RYR2: variants seen among roughly 807,000 people sequenced by gnomAD.
RYR2 encodes the protein cardiac muscle ryanodine receptor-calcium release channel.
In RYR2, 227 loss-of-function variants were observed where a neutral mutation model predicts 601.1. The ratio of observed to expected loss-of-function variants is 0.38; its 90% CI spans 0.34 to 0.42. RYR2 has a LOEUF of 0.42. RYR2 is among the 10% of genes least tolerant of loss of function. The pLI, the probability that RYR2 is intolerant of heterozygous loss-of-function variation, is 1.00. For missense variants in RYR2, 4,646 were observed against 6,156.5 expected, an observed-to-expected ratio of 0.75 and a Z score of 8.21; for synonymous variants, 2,223 against 2,175.1, an observed-to-expected ratio of 1.02 and a Z score of -0.61.
At chr1:237,516,590 G>A (rs1056200340) in intron 24 of RYR2, among the ~76,000 whole-genome samples, 13 of 152,174 alleles carry the variant, frequency 8.5e-5, no homozygotes, top group African/African-American at 2.9e-4. Flanking sequence ...TCTGCTCTGA[G>A]TGACGGAATT....
chr1:237,498,781 A>C (rs962276001), intron 20 of RYR2, among the ~76,000 whole-genome samples: 4 of 152,214 alleles, frequency 2.6e-5, no homozygotes, highest in Admixed American at 1.3e-4. Flanking sequence ...AGAACAACAA[A>C]AAAAAATTTA....
intron 80 of RYR2, chr1:237,754,977 A>T (rs1418643463): frequency 1.3e-6 from 1 of 780,096 alleles, no homozygotes; most frequent in East Asian, 6.9e-5. Context: ...GGCCTATCAC[A>T]TAATTTAAGA....
chr1:237,587,632 C>T (rs939601506), intron 29 of RYR2, among the ~76,000 whole-genome samples: 6 of 151,832 alleles, frequency 4.0e-5, no homozygotes, highest in South Asian at 4.1e-4. Flanking sequence ...GTTCGTCTCA[C>T]GAAAAAAAGT....
chr1:237,348,576 A>C (rs1200868799), intron 3 of RYR2, among the ~76,000 whole-genome samples: 2 of 152,176 alleles, frequency 1.3e-5, no homozygotes, highest in Non-Finnish European at 2.9e-5. Flanking sequence ...CTCAGCTCAC[A>C]TTGAATTGGT....
chr1:237,687,366 C>CTT (rs10679267), intron 62 of RYR2, 89 bp from the exon 63 acceptor site: 44,962 of 255,982 alleles, frequency 0.18, 4,169 homozygotes, highest in Admixed American at 0.21. Context: ...TTTTCTTCTT[C>CTT]TTTTTTTTTT....
At chr1:237,524,755 T>G (rs10925442) in intron 24 of RYR2, among the ~76,000 whole-genome samples, 2,265 of 152,044 alleles carry the variant, frequency 0.015, 52 homozygotes, top group African/African-American at 0.042. Context: ...CAGATATATA[T>G]AGAGAGAGAT....
chr1:237,509,005 G>T (rs979348738), intron 23 of RYR2, among the ~76,000 whole-genome samples: 1 of 152,016 alleles, frequency 6.6e-6, no homozygotes, highest in Non-Finnish European at 1.5e-5. Flanking sequence ...GCCTCCCAAA[G>T]TGCTGGGATT....
intron 27 of RYR2, among the ~76,000 whole-genome samples, chr1:237,554,245 T>C (rs1483977998): frequency 6.6e-6 from 1 of 151,950 alleles, no homozygotes; most frequent in Non-Finnish European, 1.5e-5. Flanking sequence ...CCCCATTTAT[T>C]GAACAGATTA....
intron 88 of RYR2, among the ~76,000 whole-genome samples, chr1:237,779,478 G>A (rs943896657): frequency 4.6e-5 from 7 of 152,088 alleles, no homozygotes; most frequent in Non-Finnish European, 1.0e-4. Flanking sequence ...TTTGCCAGGC[G>A]GTCAGGTAGA....
intron 17 of RYR2, among the ~76,000 whole-genome samples, chr1:237,482,434 C>T (rs909527456): frequency 6.6e-6 from 1 of 151,908 alleles, no homozygotes; most frequent in African/African-American, 2.4e-5. Context: ...TTAGATCTCG[C>T]AAATAAGTGA....
intron 94 of RYR2, 77 bp downstream of exon 94, chr1:237,792,400 T>TGTGC (rs1658551777): frequency 8.6e-5 from 13 of 151,838 alleles, no homozygotes; most frequent in Non-Finnish European, 1.0e-4. Context: ...TGTGTGTGCG[T>TGTGC]GTGTGTGTGT....
chr1:237,193,906 T>G (rs987721970), intron 1 of RYR2, among the ~76,000 whole-genome samples: 1 of 152,224 alleles, frequency 6.6e-6, no homozygotes, highest in African/African-American at 2.4e-5. Flanking sequence ...AAAAAATCTC[T>G]TATGAAGAAA....
Position 237,328,003 on chromosome 1 carries a change from C to T in RYR2, c.169-2875C>T, listed in dbSNP as rs77559656. On this transcript the variant is annotated intron_variant, in intron 2 of 104. Coordinates refer to ENST00000366574, the MANE Select transcript of RYR2 (RefSeq NM_001035.3). ...TTGGTCTGAAATCAGTCTAATGGCA[C>T]GCTGGAAACAGCTCTTAGACACTGC... is the stretch of plus-strand genomic sequence containing the variant. Among the ~76,000 whole-genome samples the T allele has an allele frequency of 2.0e-4, 30 of 152,272 alleles. No individual in the cohort carries two copies. In the East Asian group the frequency reaches 3.9e-3, roughly 20 times the overall value.
chr1:237,530,997 A>T (rs1364383505), intron 25 of RYR2, among the ~76,000 whole-genome samples: 1 of 152,216 alleles, frequency 6.6e-6, no homozygotes, highest in African/African-American at 2.4e-5. Context: ...AATAGTTTCT[A>T]TCACATTGCT....
intron 24 of RYR2, among the ~76,000 whole-genome samples, chr1:237,525,536 T>G (rs1667486040): frequency 2.0e-5 from 3 of 151,950 alleles, no homozygotes; most frequent in African/African-American, 7.2e-5. Context: ...CTGAAACTTC[T>G]GCTTCCCAGG....
chr1:237,331,829 G>A (rs1696778770), intron 3 of RYR2, among the ~76,000 whole-genome samples: 2 of 151,790 alleles, frequency 1.3e-5, no homozygotes, highest in South Asian at 4.2e-4. Context: ...ATTGTTATGT[G>A]GTTTCCTAAT....
At chr1:237,792,821 G>T (rs895826326) in intron 94 of RYR2, among the ~76,000 whole-genome samples, 1 of 152,196 alleles carries the variant, frequency 6.6e-6, no homozygotes, top group Non-Finnish European at 1.5e-5. Context: ...GTGATACTTG[G>T]TGTATTAAGA....
At chr1:237,482,726 A>T (rs1297277486) in intron 17 of RYR2, among the ~76,000 whole-genome samples, 1 of 152,114 alleles carries the variant, frequency 6.6e-6, no homozygotes, top group African/African-American at 2.4e-5. Flanking sequence ...CAGCAGTGGG[A>T]TTGCTGGATC....
intron 63 of RYR2, among the ~76,000 whole-genome samples, chr1:237,688,932 A>T (rs1407755828): frequency 2.0e-5 from 3 of 152,042 alleles, no homozygotes; most frequent in Non-Finnish European, 2.9e-5. Flanking sequence ...TTCCTTTAAA[A>T]TTTTTTTGAG....
Sources: allele counts gnomAD v4.1 joint callset (sites outside exome capture counted in the v4.1 genomes callset), GRCh38; gene constraint gnomAD v4.1.1; transcripts MANE v1.5; gene names NCBI Gene and HGNC (gene_info 2026-07-23, HGNC 2026-07-21).